FLNB: variants seen among roughly 807,000 people sequenced by gnomAD.
FLNB encodes filamin B, also known as filamin-B.
Under a neutral mutation model 250.6 loss-of-function variants are expected in FLNB, and 111 were observed. The ratio of observed to expected loss-of-function variants is 0.44; its 90% CI spans 0.38 to 0.52. The LOEUF is 0.52. FLNB is among the 20% of genes least tolerant of loss of function. FLNB has a pLI of 0.00. For synonymous variants in FLNB, 1,302 were observed against 1,372.1 expected (o/e 0.95, Z 1.13); for missense variants, 2,869 against 3,447.8 (o/e 0.83, Z 4.20).
intron 29 of FLNB, among the ~76,000 whole-genome samples, chr3:58,140,011 A>T (rs2097323905): frequency 6.6e-6 from 1 of 152,186 alleles, no homozygotes; most frequent in Non-Finnish European, 1.5e-5. Flanking sequence ...CTTTGTGTTT[A>T]CCCACTGCCC....
intron 1 of FLNB, among the ~76,000 whole-genome samples, chr3:58,014,456 CTG>C (rs932961366): frequency 6.6e-6 from 1 of 152,258 alleles, no homozygotes; most frequent in Non-Finnish European, 1.5e-5. Flanking sequence ...GGTTGGGCCT[CTG>C]TGGAGTTCTC....
Position 58,104,009 on chromosome 3 carries a change from G to A in FLNB, c.1534G>A (p.Ala512Thr), listed in dbSNP as rs201544295. ...KQKDFLDGVY[A>T]FEYYPSTPGR... ...GAAAGACTTTCTGGATGGGGTCTACGCATTCGAGTATTACCCCAGCACCCC... is the reference window on the plus strand; with the variant it reads ...GAAAGACTTTCTGGATGGGGTCTACACATTCGAGTATTACCCCAGCACCCC... The change falls in exon 10 of 46, where the codon GCA (alanine) becomes ACA (threonine). Residue 512 changes from alanine to threonine, a missense_variant. Around this residue, in one of 5 missense-constraint regions of FLNB, gnomAD observed 1,348 missense variants for 1,466.7 expected, o/e 0.92. Coordinates refer to ENST00000295956, the MANE Select transcript of FLNB (RefSeq NM_001457.4). 249 of 1,613,528 alleles carry A rather than the reference G, an allele frequency of 1.5e-4. 5 individuals are homozygous for A. Among genetic ancestry groups the A allele is most frequent in the Non-Finnish European group, 1.5e-4 (175 of 1,179,712 alleles).
At chr3:58,054,624 G>C (rs539054854) in intron 1 of FLNB, among the ~76,000 whole-genome samples, 1 of 152,276 alleles carries the variant, frequency 6.6e-6, no homozygotes, top group South Asian at 2.1e-4. Context: ...AAAACCATCA[G>C]ATCTTGTGAG....
chr3:58,137,320 A>G (rs1390442514), intron 28 of FLNB, among the ~76,000 whole-genome samples: 1 of 152,228 alleles, frequency 6.6e-6, no homozygotes, highest in South Asian at 2.1e-4. Context: ...TCCTAGGTCT[A>G]TGCAGCTGCC....
intron 1 of FLNB, among the ~76,000 whole-genome samples, chr3:58,035,533 A>G (rs1213679249): frequency 6.6e-6 from 1 of 152,190 alleles, no homozygotes; most frequent in East Asian, 1.9e-4. Flanking sequence ...AGTTGAAAGA[A>G]ATAATGAATG....
chr3:58,094,674 G>A (rs747194235), intron 4 of FLNB, among the ~76,000 whole-genome samples, 162 bp from the exon 5 acceptor site: 3 of 152,104 alleles, frequency 2.0e-5, no homozygotes, highest in Non-Finnish European at 2.9e-5. Context: ...TAAGGCTTTC[G>A]ACCTGCCTGA....
At chr3:58,030,042 T>A (rs1327787644) in intron 1 of FLNB, among the ~76,000 whole-genome samples, 3 of 152,078 alleles carry the variant, frequency 2.0e-5, no homozygotes, top group African/African-American at 7.2e-5. Flanking sequence ...ACTTCCCCAA[T>A]GGAAAGGGCC....
chr3:58,085,917 C>A (rs4681784), intron 4 of FLNB, among the ~76,000 whole-genome samples: 71,052 of 152,004 alleles, frequency 0.47, 18,890 homozygotes, highest in East Asian at 0.98. Flanking sequence ...CTGCAGAGTA[C>A]GTTGTTTCTT....
intron 4 of FLNB, among the ~76,000 whole-genome samples, chr3:58,090,933 C>T (rs1164119486): frequency 2.6e-5 from 4 of 152,050 alleles, no homozygotes; most frequent in Admixed American, 1.3e-4. Context: ...AAAAAATTAG[C>T]TGGGCGTGGT....
At chr3:58,026,171 G>A (rs960461766) in intron 1 of FLNB, among the ~76,000 whole-genome samples, 1 of 152,188 alleles carries the variant, frequency 6.6e-6, no homozygotes, top group Non-Finnish European at 1.5e-5. Context: ...CTTGGAGGAG[G>A]GTGGAGATGG....
chr3:58,169,424 G>C lies in FLNB; in HGVS notation c.7418-166G>C. 3.0e-6 allele frequency: 2 copies of C among 672,362 alleles called. No homozygotes were observed. The highest frequency in any genetic ancestry group is 3.1e-5 in the South Asian group (2 of 64,256). 41.6% of individuals were successfully genotyped at this position (672,362 alleles called of 1,614,324 possible). ...CTAGTTGTATGGGGGTGGGATCCTA[G>C]GGGTTTAGAAGACATTATGGGTGTG... On this transcript the variant is annotated intron_variant, in intron 44 of 45. Transcript: ENST00000295956. This position sits in a 1 kb window ranked among gnomAD's most constrained non-coding sequence, Gnocchi z 4.8.
chr3:58,145,952 C>T lies in FLNB; in HGVS notation c.5457C>T (p.Pro1819=). The change falls in exon 33 of 46, where the codon CCC becomes CCT. Residue 1819 remains proline (P), a synonymous_variant. Coordinates refer to ENST00000295956, the MANE Select transcript of FLNB (RefSeq NM_001457.4). ...CACTCCAGTTCTACGTGAACTACCC[C>T]AACAGTGGAAGTGTTTCTGCATACG... The part of the protein sequence containing the change: ...ESPLQFYVNY[P]NSGSVSAYGP... 1 of 1,614,188 alleles carries T rather than the reference C, an allele frequency of 6.2e-7. No homozygotes were observed. The highest frequency in any genetic ancestry group is 1.1e-5 in the South Asian group (1 of 91,086).
At chr3:58,117,010 GCT>G (rs1221830688) in intron 18 of FLNB, among the ~76,000 whole-genome samples, 1 of 152,144 alleles carries the variant, frequency 6.6e-6, no homozygotes, top group Admixed American at 6.5e-5. Flanking sequence ...GCTGAGGGTG[GCT>G]CTCTCAGTCC....
chr3:58,135,829 A>G, intron 27 of FLNB, 150 bp from the exon 28 acceptor site: 2 of 817,356 alleles, frequency 2.4e-6, no homozygotes, highest in Non-Finnish European at 3.9e-6. Flanking sequence ...TACTCTCCCT[A>G]CCAAAAAACA....
In FLNB at chr3:58,118,860, C is replaced by G. The variant is rs554035785; in HGVS notation, c.2746-12C>G. On this transcript the variant is annotated splice_polypyrimidine_tract_variant and intron_variant, in intron 18 of 45. Transcript: ENST00000295956. ...TACCCAAAGGTAAACTGAGTTTTCT[C>G]TCTTGTTCCAGGGCAACATGCAGGT... is the stretch of plus-strand genomic sequence containing the variant. 1 of 1,609,088 alleles carries G rather than the reference C, an allele frequency of 6.2e-7. No homozygotes were observed. The highest frequency in any genetic ancestry group is 8.5e-7 in the Non-Finnish European group (1 of 1,175,444).
chr3:58,112,392 G>A lies in FLNB; in HGVS notation c.2745+74G>A. 4.1e-6 allele frequency: 6 copies of A among 1,469,226 alleles called. No individual in the cohort carries two copies. The South Asian group carries it at 6.9e-5, about 17-fold the overall frequency. 91.0% of individuals were successfully genotyped at this position (1,469,226 alleles called of 1,614,324 possible). A position where few individuals can be genotyped will look rare whatever the true frequency, so the allele number is the denominator to read the frequency against. Reference sequence around the variant, plus strand: ...TCTATGCAGTCGGTGCTGGGTCACTGTGGACACCAAGGGGTGTGAGAGGTG... The same window carrying A: ...TCTATGCAGTCGGTGCTGGGTCACTATGGACACCAAGGGGTGTGAGAGGTG... On this transcript the variant is annotated intron_variant, in intron 18 of 45. Transcript: ENST00000295956.
chr3:58,044,457 CA>C (rs1391280494), intron 1 of FLNB, among the ~76,000 whole-genome samples: 1 of 131,404 alleles, frequency 7.6e-6, no homozygotes, highest in African/African-American at 2.8e-5. Flanking sequence ...ACAAACAAAC[CA>C]AAAAAACCCC....
intron 1 of FLNB, among the ~76,000 whole-genome samples, chr3:58,012,865 T>C (rs988152094): frequency 6.6e-6 from 1 of 152,252 alleles, no homozygotes; most frequent in Non-Finnish European, 1.5e-5. Flanking sequence ...TAGAATTGTG[T>C]ACATGCCTCC....
chr3:58,075,911 GGA>G (rs757894330), intron 1 of FLNB, among the ~76,000 whole-genome samples: 4 of 152,084 alleles, frequency 2.6e-5, no homozygotes, highest in Non-Finnish European at 5.9e-5. Context: ...AGGGGGTGCG[GGA>G]GATGGATAGC....
Sources: gnomAD v4.1 joint callset for allele counts (sites outside exome capture counted in the v4.1 genomes callset) on GRCh38, gnomAD v4.1.1 for gene constraint, gnomAD v4.1.1 regional missense constraint, Gnocchi (gnomAD v3.1) non-coding constraint, MANE v1.5 for transcripts, NCBI Gene and HGNC (gene_info 2026-07-23, HGNC 2026-07-21) for gene names.